OLFML2B: variants seen among roughly 807,000 people sequenced by gnomAD.
OLFML2B encodes the protein olfactomedin-like protein 2B.
OLFML2B carries 57 observed loss-of-function variants against 74.9 expected under a neutral mutation model. The observed-to-expected ratio is 0.76, with a 90% CI of 0.61 to 0.95. The LOEUF (loss-of-function observed/expected upper bound fraction) is 0.95, where lower values mean the gene tolerates loss of function less well. Ranked by LOEUF, OLFML2B falls within the 40% of genes least tolerant of loss-of-function variation. The pLI is 0.00. For synonymous variants in OLFML2B, 388 were observed against 405.8 expected, an observed-to-expected ratio of 0.96 and a Z score of 0.53; for missense variants, 986 against 970.6, an observed-to-expected ratio of 1.02 and a Z score of -0.21.
In OLFML2B at chr1:162,022,244, C is replaced by CTTTT. The variant is rs56395023; in HGVS notation, c.174+1009_174+1012dup. 3.8e-3 allele frequency among the ~76,000 whole-genome samples: 267 copies of CTTTT among 70,760 alleles called. 1 individual carries two copies. Among genetic ancestry groups the CTTTT allele is most frequent in the Middle Eastern group, 9.8e-3 (1 of 102 alleles). The allele number at this position is 70,760 out of a possible 152,430, so 46.4% of individuals were successfully genotyped here. A position where few individuals can be genotyped will look rare whatever the true frequency, so the allele number is the denominator to read the frequency against. ...CCCTGGCTCTACCCATGTATCTCTT[C>CTTTT]TTTTTTTTTTTTTTTTTTTTTTTTG... On this transcript the variant is annotated intron_variant, in intron 1 of 7. Transcript: ENST00000294794.
chr1:162,014,013 T>C (rs776827132), intron 3 of OLFML2B, among the ~76,000 whole-genome samples: 4 of 151,538 alleles, frequency 2.6e-5, no homozygotes, highest in African/African-American at 4.9e-5. Flanking sequence ...CCTTAAACGA[T>C]GAAACTATAA....
Position 161,997,995 on chromosome 1 carries a change from G to A in OLFML2B, c.1304C>T (p.Pro435Leu), listed in dbSNP as rs575795425. The part of the protein sequence containing the change: ...ATQQPAAPAP[P>L]AVSPREALME... ...CAATGCCTCCCTGGGAGACACTGCC[G>A]GAGGAGCTGGGGCTGCTGGTTGCTG... Residue 435 changes from proline (P) to leucine (L), a missense_variant, in exon 6 of 8, where the codon CCG (proline) becomes CTG (leucine). Transcript: ENST00000294794. 69 of 1,614,178 alleles carry A rather than the reference G, an allele frequency of 4.3e-5. No homozygotes were observed. Among genetic ancestry groups the A allele is most frequent in the Admixed American group, 2.7e-4 (16 of 60,032 alleles).
At chr1:161,993,079 G>C (rs1278507681) in intron 6 of OLFML2B, among the ~76,000 whole-genome samples, 1 of 151,778 alleles carries the variant, frequency 6.6e-6, no homozygotes, top group Non-Finnish European at 1.5e-5. Context: ...ACCATAAGGA[G>C]AGAGAGACAG....
rs1281446652 is a variant in OLFML2B at position 162,023,444 on chromosome 1, A to G, written c.-14T>C. The G allele has an allele frequency of 2.0e-6, 3 of 1,534,092 alleles. No homozygotes were observed. On this transcript the variant is annotated 5_prime_UTR_variant, in exon 1 of 8. Coordinates refer to ENST00000294794, the MANE Select transcript of OLFML2B (RefSeq NM_015441.3). ...AGGCTTGGCCATGAGGGGCGCGATA[A>G]GAGTGTCCTCAGCCCCTTCAGAGAA...
At chr1:162,023,038 C>T (rs1690770605) in intron 1 of OLFML2B, among the ~76,000 whole-genome samples, 1 of 152,138 alleles carries the variant, frequency 6.6e-6, no homozygotes, top group African/African-American at 2.4e-5. Context: ...TTCACCTCTC[C>T]TTTCTCCTGA....
chr1:161,987,860 T>G (rs1343082101), intron 6 of OLFML2B, among the ~76,000 whole-genome samples: 3 of 152,160 alleles, frequency 2.0e-5, no homozygotes, highest in Non-Finnish European at 2.9e-5. Flanking sequence ...ACTGCTGCCC[T>G]GCGGATGAGC....
At chr1:161,999,766 T>C (rs1690029174) in intron 5 of OLFML2B, among the ~76,000 whole-genome samples, 1 of 152,126 alleles carries the variant, frequency 6.6e-6, no homozygotes, top group South Asian at 2.1e-4. Context: ...GGAGCAAGTA[T>C]TGGAGAAGCC....
chr1:162,001,531 G>A (rs913343578), intron 4 of OLFML2B, among the ~76,000 whole-genome samples: 1 of 152,176 alleles, frequency 6.6e-6, no homozygotes, highest in Middle Eastern at 3.2e-3. Flanking sequence ...TCTTGGAGCT[G>A]ATCATGCCAG....
Position 161,988,113 on chromosome 1 carries a change from T to A in OLFML2B, c.1475-3133A>T, listed in dbSNP as rs1430845789. On this transcript the variant is annotated intron_variant, in intron 6 of 7. Transcript: ENST00000294794. The stretch of plus-strand genomic sequence containing the variant: ...AGGAACTGCAGACAGGAGAGTGCAG[T>A]CTGCATCTCATCTTAGGTTTTCCCA... Among the ~76,000 whole-genome samples, 3 of 152,246 alleles carry A rather than the reference T, an allele frequency of 2.0e-5. No homozygotes were observed. The East Asian group carries it at 5.8e-4, about 29-fold the overall frequency.
intron 3 of OLFML2B, 97 bp from the exon 4 acceptor site, chr1:162,006,570 A>C: frequency 1.1e-6 from 1 of 926,530 alleles, no homozygotes; most frequent in Non-Finnish European, 1.6e-6. Context: ...CAGACACAAC[A>C]GACAGGCTGA....
At chr1:161,997,430 C>G (rs897088706) in intron 6 of OLFML2B, among the ~76,000 whole-genome samples, 6 of 152,160 alleles carry the variant, frequency 3.9e-5, no homozygotes, top group African/African-American at 1.4e-4. Context: ...GAGACTTTCC[C>G]CCCAGTAAAA....
intron 3 of OLFML2B, 66 bp downstream of exon 3, chr1:162,017,334 G>A: frequency 8.2e-7 from 1 of 1,214,068 alleles, no homozygotes. Flanking sequence ...AAAATTTACT[G>A]TGGGACGTTT....
chr1:162,000,085 T>C (rs1690038244), intron 5 of OLFML2B, 28 bp downstream of exon 5: 7 of 1,540,672 alleles, frequency 4.5e-6, no homozygotes, highest in Non-Finnish European at 6.2e-6. Context: ...ACCCTGCCTC[T>C]GGGGCGGCCC....
rs779336195 is a variant in OLFML2B, at chr1:161,998,105, G to T, written c.1194C>A (p.Thr398=). 1 of 1,614,058 alleles carries T rather than the reference G, an allele frequency of 6.2e-7. No homozygotes were observed. Among genetic ancestry groups the T allele is most frequent in the Non-Finnish European group, 8.5e-7 (1 of 1,180,048 alleles). ...CCCTTGTGGGATCTGGAGACACCGA[G>T]GTTGTTTGGAGTGTTGGTCCCACTG... ...HASVGPTLQT[T]SVSPDPTRES... Residue 398 remains threonine (T), a synonymous_variant, in exon 6 of 8, where the codon ACC becomes ACA. Transcript: ENST00000294794.
At chr1:162,022,244 C>CTTTTTTTTTTTTTTTTTTTTTTTTTT (rs56395023) in intron 1 of OLFML2B, among the ~76,000 whole-genome samples, 38 of 70,770 alleles carry the variant, frequency 5.4e-4, no homozygotes, top group African/African-American at 9.4e-4. Context: ...TGTATCTCTT[C>CTTTTTTTTTTTTTTTTTTTTTTTTTT]TTTTTTTTTT....
intron 3 of OLFML2B, among the ~76,000 whole-genome samples, chr1:162,009,986 C>T (rs1394390718): frequency 6.6e-6 from 1 of 152,240 alleles, no homozygotes; most frequent in African/African-American, 2.4e-5. Context: ...GCAACCATGA[C>T]ATTTCTGGTG....
intron 3 of OLFML2B, among the ~76,000 whole-genome samples, chr1:162,013,449 T>A (rs1225644395): frequency 6.6e-6 from 1 of 152,164 alleles, no homozygotes; most frequent in Non-Finnish European, 1.5e-5. Context: ...AGTTATAGCC[T>A]CCAAATTGAC....
chr1:162,017,419 C>T lies in OLFML2B; in HGVS notation c.527G>A (p.Arg176Gln), dbSNP rs532457018. Residue 176 changes from arginine (R) to glutamine (Q), a missense_variant, in exon 3 of 8, where the codon CGA becomes CAA. Arg to Gln is a conservative substitution (Grantham distance 43). Transcript: ENST00000294794. ...CCTTACCTCCTCCAGTTTATCCACT[C>T]GCCCCACCAGTTTGGTGGTGACTGA... ...LHSVTTKLVG[R>Q]VDKLEEEVSK... is the part of the protein sequence containing the mutation. The T allele has an allele frequency of 1.4e-5, 23 of 1,612,886 alleles. No individual in the cohort carries two copies. The East Asian group carries it at 2.9e-4, about 20-fold the overall frequency.
At chr1:161,994,286 C>T (rs1689824744) in intron 6 of OLFML2B, among the ~76,000 whole-genome samples, 1 of 152,268 alleles carries the variant, frequency 6.6e-6, no homozygotes, top group Admixed American at 6.5e-5. Context: ...TGCCCCAGAC[C>T]AGCCTCCCTG....
Sources: gnomAD v4.1 joint callset for allele counts (sites outside exome capture counted in the v4.1 genomes callset) on GRCh38, gnomAD v4.1.1 for gene constraint, MANE v1.5 for transcripts, NCBI Gene and HGNC (gene_info 2026-07-23, HGNC 2026-07-21) for gene names.